The following SOCS5 variants were observed in gnomAD, a reference collection of about 807,000 sequenced individuals.
The protein encoded by SOCS5 is suppressor of cytokine signaling 5, also known as CIS-6.
Under a neutral mutation model 42.8 loss-of-function variants are expected in SOCS5, and 32 were observed. The ratio of observed to expected loss-of-function variants is 0.75; its 90% CI spans 0.56 to 1.01. The LOEUF is 1.01. SOCS5 is among the 50% of genes least tolerant of loss of function. The pLI, the probability that SOCS5 is intolerant of heterozygous loss-of-function variation, is 0.00. For synonymous variants in SOCS5, 283 were observed against 229.6 expected, an observed-to-expected ratio of 1.23 and a Z score of -2.10; for missense variants, 627 against 653.0, an observed-to-expected ratio of 0.96 and a Z score of 0.43.
rs564972383 is a variant in SOCS5 at position 46,760,822 on chromosome 2, T to C, written c.*681T>C. ...TATTGAAAGGCCTAGGTATTAATTTTTTAAATGAGTGCTTTAACTTAAAAC... is the reference window on the plus strand; with the variant it reads ...TATTGAAAGGCCTAGGTATTAATTTCTTAAATGAGTGCTTTAACTTAAAAC... On this transcript the variant is annotated 3_prime_UTR_variant, in exon 2 of 2. Coordinates refer to ENST00000394861, the MANE Select transcript of SOCS5 (RefSeq NM_144949.3). The C allele has an allele frequency of 6.0e-6, 1 of 167,252 alleles. No individual in the cohort carries two copies. Among genetic ancestry groups the C allele is most frequent in the Admixed American group, 6.5e-5 (1 of 15,314 alleles). 10.4% of individuals were successfully genotyped at this position (167,252 alleles called of 1,614,324 possible).
Position 46,758,838 on chromosome 2 carries a change from C to A in SOCS5, c.308C>A (p.Thr103Asn). The change falls in exon 2 of 2, where the codon ACC becomes AAC. Residue 103 changes from threonine to asparagine, a missense_variant. Thr to Asn is a moderately conservative substitution (Grantham distance 65). Coordinates refer to ENST00000394861, the MANE Select transcript of SOCS5 (RefSeq NM_144949.3). ...GAAAAGGATAATGATTCTTGTGTTA[C>A]CCCAGGAACAAGACTTGCACGAAGA... ...SIEKDNDSCV[T>N]PGTRLARRDS... 1.2e-6 allele frequency: 2 copies of A among 1,613,946 alleles called. No individual in the cohort carries two copies. The highest frequency in any genetic ancestry group is 1.7e-6 in the Non-Finnish European group (2 of 1,179,828).
chr2:46,741,587 G>A (rs1481198209), intron 1 of SOCS5, among the ~76,000 whole-genome samples: 4 of 152,068 alleles, frequency 2.6e-5, no homozygotes, highest in African/African-American at 7.2e-5. Flanking sequence ...AATAACCACA[G>A]TGATATTTCC....
chr2:46,746,250 C>T (rs147051059), intron 1 of SOCS5, among the ~76,000 whole-genome samples: 5 of 152,238 alleles, frequency 3.3e-5, no homozygotes, highest in African/African-American at 1.2e-4. Flanking sequence ...GCTATAGACT[C>T]ACATTCTTAT....
chr2:46,722,425 A>T (rs1419946833), intron 1 of SOCS5, among the ~76,000 whole-genome samples: 2 of 152,166 alleles, frequency 1.3e-5, no homozygotes, highest in Non-Finnish European at 2.9e-5. Context: ...CCAGTAGGTT[A>T]GATTAGTGAG....
intron 1 of SOCS5, among the ~76,000 whole-genome samples, chr2:46,754,482 A>G (rs17035588): frequency 0.16 from 23,677 of 152,050 alleles, 2,507 homozygotes; most frequent in East Asian, 0.41. Flanking sequence ...ATTAAATCAC[A>G]TAGTTACACT....
chr2:46,727,144 CTTTTTTTT>C (rs759203329), intron 1 of SOCS5, among the ~76,000 whole-genome samples: 5 of 86,414 alleles, frequency 5.8e-5, no homozygotes, highest in South Asian at 4.1e-4. Context: ...TTGGAGCCTT[CTTTTTTTT>C]TTTTTTTTTT....
intron 1 of SOCS5, among the ~76,000 whole-genome samples, chr2:46,751,434 T>C (rs547177316): frequency 6.6e-6 from 1 of 152,044 alleles, no homozygotes; most frequent in African/African-American, 2.4e-5. Context: ...TAAAAAGGAA[T>C]GTAGACACAG....
intron 1 of SOCS5, among the ~76,000 whole-genome samples, chr2:46,734,481 A>G (rs1673198275): frequency 1.3e-5 from 2 of 152,268 alleles, no homozygotes; most frequent in East Asian, 1.9e-4. Context: ...TTATACAATA[A>G]TTCATTGGCC....
chr2:46,740,413 C>T (rs1166568223), intron 1 of SOCS5, among the ~76,000 whole-genome samples: 1 of 152,068 alleles, frequency 6.6e-6, no homozygotes, highest in Non-Finnish European at 1.5e-5. Context: ...TGGATGTACT[C>T]CAGATAGACA....
chr2:46,747,206 A>G (rs980744092), intron 1 of SOCS5, among the ~76,000 whole-genome samples: 41 of 152,106 alleles, frequency 2.7e-4, no homozygotes, highest in Non-Finnish European at 5.7e-4. Flanking sequence ...TTATTTGCTT[A>G]CAGTTGTTCA....
intron 1 of SOCS5, among the ~76,000 whole-genome samples, chr2:46,710,346 C>T (rs1203967872): frequency 2.6e-5 from 4 of 152,032 alleles, no homozygotes; most frequent in Non-Finnish European, 5.9e-5. Flanking sequence ...GGGGTTTCAC[C>T]ACGTTGGTTA....
intron 1 of SOCS5, among the ~76,000 whole-genome samples, chr2:46,753,919 G>A (rs551891572): frequency 1.5e-4 from 23 of 152,158 alleles, no homozygotes; most frequent in Non-Finnish European, 2.6e-4. Flanking sequence ...CAGTGAGGAC[G>A]ACCAGAGGTC....
chr2:46,724,582 T>C (rs1672953101), intron 1 of SOCS5, among the ~76,000 whole-genome samples: 1 of 152,070 alleles, frequency 6.6e-6, no homozygotes, highest in African/African-American at 2.4e-5. Flanking sequence ...TATTTCCTTT[T>C]CAGTTCGAGA....
At chr2:46,751,679 A>AT (rs1673625395) in intron 1 of SOCS5, among the ~76,000 whole-genome samples, 1 of 152,158 alleles carries the variant, frequency 6.6e-6, no homozygotes, top group Non-Finnish European at 1.5e-5. Context: ...GTGATCATCC[A>AT]TTTACTTAAT....
At chr2:46,737,841 C>A (rs1044247570) in intron 1 of SOCS5, among the ~76,000 whole-genome samples, 3 of 151,478 alleles carry the variant, frequency 2.0e-5, no homozygotes, top group Admixed American at 2.0e-4. Flanking sequence ...GGCTCTGATA[C>A]CTTTCTGTCC....
chr2:46,747,542 T>C (rs1262034971), intron 1 of SOCS5, among the ~76,000 whole-genome samples: 1 of 152,076 alleles, frequency 6.6e-6, no homozygotes, highest in Non-Finnish European at 1.5e-5. Flanking sequence ...GTTTTATATC[T>C]CCATGTGTTC....
At chr2:46,729,734 A>G (rs1473715703) in intron 1 of SOCS5, among the ~76,000 whole-genome samples, 1 of 152,186 alleles carries the variant, frequency 6.6e-6, no homozygotes, top group African/African-American at 2.4e-5. Flanking sequence ...TGTATTGTAG[A>G]CCTTATAAAC....
chr2:46,706,251 C>T (rs1012019745), intron 1 of SOCS5, among the ~76,000 whole-genome samples: 2 of 152,258 alleles, frequency 1.3e-5, no homozygotes, highest in Admixed American at 6.5e-5. Flanking sequence ...AAGTTTGACA[C>T]GGGAAGGTTA....
At chr2:46,749,148 A>G (rs1673570327) in intron 1 of SOCS5, among the ~76,000 whole-genome samples, 1 of 152,186 alleles carries the variant, frequency 6.6e-6, no homozygotes, top group Admixed American at 6.5e-5. Context: ...AATGTTATTT[A>G]CTTTACTAAG....
Sources: allele counts gnomAD v4.1 joint callset (sites outside exome capture counted in the v4.1 genomes callset), GRCh38; gene constraint gnomAD v4.1.1; transcripts MANE v1.5; gene names NCBI Gene and HGNC (gene_info 2026-07-23, HGNC 2026-07-21).